COMMD10: variants seen among roughly 807,000 people sequenced by gnomAD.
The protein encoded by COMMD10 is COMM domain containing 10.
COMMD10 carries 33 observed loss-of-function variants against 28.9 expected under a neutral mutation model. That is an observed-to-expected ratio of 1.14 (90% confidence interval 0.87 to 1.53). COMMD10 has a LOEUF of 1.53. COMMD10 is among the 40% of genes most tolerant of loss of function. The probability of loss-of-function intolerance (pLI) is 0.00; values close to 1 mark genes in which losing one functional copy is unlikely to be tolerated. For synonymous variants in COMMD10, 110 were observed against 81.7 expected (o/e 1.35, Z -1.87); for missense variants, 310 against 233.4 (o/e 1.33, Z -2.14).
chr5:116,177,531 C>A (rs908102852), intron 5 of COMMD10, among the ~76,000 whole-genome samples: 4 of 150,402 alleles, frequency 2.7e-5, no homozygotes, highest in African/African-American at 9.9e-5. Context: ...AGTGACCCCC[C>A]CCACCCCACT....
At chr5:116,124,778 G>A (rs1751561444) in intron 4 of COMMD10, among the ~76,000 whole-genome samples, 4 of 152,104 alleles carry the variant, frequency 2.6e-5, no homozygotes, top group Admixed American at 2.6e-4. Flanking sequence ...ATATATTTAG[G>A]ATAGTTAGCT....
intron 4 of COMMD10, among the ~76,000 whole-genome samples, chr5:116,108,678 C>G (rs1344239880): frequency 6.6e-6 from 1 of 152,202 alleles, no homozygotes; most frequent in Non-Finnish European, 1.5e-5. Context: ...CTTCAGCCCC[C>G]TTTCCAGGAG....
chr5:116,099,266 T>C (rs1033635479), intron 4 of COMMD10, among the ~76,000 whole-genome samples: 1 of 152,204 alleles, frequency 6.6e-6, no homozygotes, highest in East Asian at 1.9e-4. Flanking sequence ...CATAACACCC[T>C]CCAGGTTCAT....
intron 4 of COMMD10, among the ~76,000 whole-genome samples, chr5:116,093,337 A>G (rs1412019132): frequency 6.6e-6 from 1 of 152,210 alleles, no homozygotes; most frequent in African/African-American, 2.4e-5. Flanking sequence ...GCTAGAGTTC[A>G]GTAGAGAAGT....
intron 4 of COMMD10, among the ~76,000 whole-genome samples, chr5:116,122,942 C>T (rs918405759): frequency 1.3e-5 from 2 of 152,038 alleles, no homozygotes; most frequent in Non-Finnish European, 2.9e-5. Flanking sequence ...GTTTGACTTC[C>T]TCTTTTCCTA....
chr5:116,291,444 G>A, intron 5 of COMMD10, 73 bp from the exon 6 acceptor site: 1 of 1,038,162 alleles, frequency 9.6e-7, no homozygotes, highest in Non-Finnish European at 1.5e-6. Context: ...ATATTCTGAG[G>A]TTAGCTGGAG....
At chr5:116,257,064 GTATTT>G (rs1750309108) in intron 5 of COMMD10, among the ~76,000 whole-genome samples, 1 of 151,748 alleles carries the variant, frequency 6.6e-6, no homozygotes, top group Non-Finnish European at 1.5e-5. Context: ...ACTCTACTCT[GTATTT>G]TATTTTTTTT....
chr5:116,189,670 C>T (rs1748284090), intron 5 of COMMD10, among the ~76,000 whole-genome samples: 2 of 151,952 alleles, frequency 1.3e-5, no homozygotes, highest in Non-Finnish European at 2.9e-5. Flanking sequence ...TTTTTATAGC[C>T]ACAGCTGCCA....
At chr5:116,110,832 C>A (rs920279178) in intron 4 of COMMD10, among the ~76,000 whole-genome samples, 1 of 152,050 alleles carries the variant, frequency 6.6e-6, no homozygotes. Flanking sequence ...ACTTTTAAAC[C>A]ACCAGATCTC....
chr5:116,181,379 T>C (rs1747952949), intron 5 of COMMD10, among the ~76,000 whole-genome samples: 2 of 150,812 alleles, frequency 1.3e-5, no homozygotes, highest in Non-Finnish European at 2.9e-5. Context: ...ATCTTCTATC[T>C]TCTGAAGTTG....
intron 4 of COMMD10, among the ~76,000 whole-genome samples, chr5:116,124,518 T>A (rs1205428707): frequency 1.3e-5 from 2 of 152,192 alleles, no homozygotes; most frequent in Non-Finnish European, 2.9e-5. Context: ...ATAATTGCGA[T>A]GCGGTGCTGA....
At chr5:116,178,256 T>C (rs1747811329) in intron 5 of COMMD10, among the ~76,000 whole-genome samples, 1 of 152,094 alleles carries the variant, frequency 6.6e-6, no homozygotes, top group Admixed American at 6.6e-5. Context: ...TAAGATTGCT[T>C]AGATAAGTAT....
rs1171869641 is a variant in COMMD10 at position 116,189,814 on chromosome 5, A to G, written c.510+55636A>G. 2.0e-5 allele frequency among the ~76,000 whole-genome samples: 3 copies of G among 152,308 alleles called. No homozygotes were observed. The East Asian group carries it at 5.8e-4, about 29-fold the overall frequency. Reference sequence around the variant, plus strand: ...ACTATTTTCAAGAAATTGTTCATGTATTTTAGCAAAATGAAAACCACTTAA... The same window carrying G: ...ACTATTTTCAAGAAATTGTTCATGTGTTTTAGCAAAATGAAAACCACTTAA... On this transcript the variant is annotated intron_variant, in intron 5 of 6. Transcript: ENST00000274458.
chr5:116,233,634 T>C (rs772864540), intron 5 of COMMD10, among the ~76,000 whole-genome samples: 1 of 152,102 alleles, frequency 6.6e-6, no homozygotes, highest in Non-Finnish European at 1.5e-5. Flanking sequence ...GAGTAAAGAT[T>C]TGAAAGATGT....
At chr5:116,184,546 A>T (rs1403886812) in intron 5 of COMMD10, among the ~76,000 whole-genome samples, 5 of 152,050 alleles carry the variant, frequency 3.3e-5, no homozygotes, top group African/African-American at 7.2e-5. Flanking sequence ...CCTAGGGTAC[A>T]GTCTCATCAA....
chr5:116,157,396 G>C (rs1752752157), intron 5 of COMMD10, among the ~76,000 whole-genome samples: 1 of 152,152 alleles, frequency 6.6e-6, no homozygotes, highest in Non-Finnish European at 1.5e-5. Flanking sequence ...CTGATCCAAG[G>C]CTGACTTGCT....
At position 116,087,555 on chromosome 5, in the gene COMMD10, C is replaced by CTTCACTCGGATTTCT; in HGVS notation, c.101_102insTCACTCGGATTTCTT (p.Leu34_Thr35insHisSerAspPhePhe). On this transcript the variant is annotated inframe_insertion, in exon 2 of 7. Transcript: ENST00000274458. ...AGATACAGGAAGATTTCCACGGTTG[C>CTTCACTCGGATTTCT]TCACTCGGATTCTTCAAAAACTTCA... is the stretch of plus-strand genomic sequence containing the variant. 1.2e-6 allele frequency: 2 copies of CTTCACTCGGATTTCT among 1,612,162 alleles called. No homozygotes were observed. Among genetic ancestry groups the CTTCACTCGGATTTCT allele is most frequent in the Non-Finnish European group, 1.7e-6 (2 of 1,178,176 alleles).
chr5:116,098,866 G>A (rs887098023), intron 4 of COMMD10, among the ~76,000 whole-genome samples: 8 of 152,254 alleles, frequency 5.3e-5, no homozygotes, highest in African/African-American at 1.9e-4. Context: ...TTCAGGGTGT[G>A]CAATGTGATG....
At chr5:116,212,283 C>T (rs894933058) in intron 5 of COMMD10, among the ~76,000 whole-genome samples, 1 of 151,978 alleles carries the variant, frequency 6.6e-6, no homozygotes, top group Non-Finnish European at 1.5e-5. Flanking sequence ...TGTATTTTTC[C>T]CTCCTGAAGT....
Sources: gnomAD v4.1 joint callset for allele counts (sites outside exome capture counted in the v4.1 genomes callset) on GRCh38, gnomAD v4.1.1 for gene constraint, MANE v1.5 for transcripts, NCBI Gene and HGNC (gene_info 2026-07-23, HGNC 2026-07-21) for gene names.